Variants in GLIS3 observed in about 807,000 individuals in gnomAD.
GLIS3 encodes zinc finger protein GLIS3.
A neutral mutation model predicts 78.6 loss-of-function variants in GLIS3; 53 were observed. That is an observed-to-expected ratio of 0.67 (90% CI 0.54 to 0.85). The LOEUF is 0.85. GLIS3 is among the 40% of genes least tolerant of loss of function. The pLI is 0.00. For missense variants in GLIS3, 1,703 were observed against 1,231.1 expected (o/e 1.38, Z -5.74); for synonymous variants, 684 against 509.9 (o/e 1.34, Z -4.60).
chr9:4,413,673 A>G, the GLIS3 span, among the ~76,000 whole-genome samples: 1 of 152,028 alleles, frequency 6.6e-6, no homozygotes, highest in African/African-American at 2.4e-5. Flanking sequence ...CATCCTGAAC[A>G]TTGCCACCCA....
chr9:4,407,671 G>C, the GLIS3 span, among the ~76,000 whole-genome samples: 7 of 152,080 alleles, frequency 4.6e-5, no homozygotes, highest in Non-Finnish European at 8.8e-5. Context: ...AAGAAAAAAA[G>C]AAAACATTGG....
chr9:4,362,137 CA>C, the GLIS3 span, among the ~76,000 whole-genome samples: 1 of 152,210 alleles, frequency 6.6e-6, no homozygotes, highest in East Asian at 1.9e-4. Context: ...AGGCAGCTGT[CA>C]AGACAAAACC....
chr9:4,055,492 C>A (rs1410961021), intron 4 of GLIS3, among the ~76,000 whole-genome samples: 1 of 152,132 alleles, frequency 6.6e-6, no homozygotes, highest in Non-Finnish European at 1.5e-5. Flanking sequence ...GGAGCTTGCA[C>A]TCTTGAGATG....
the GLIS3 span, among the ~76,000 whole-genome samples, chr9:4,424,481 GT>G: frequency 6.6e-6 from 1 of 152,136 alleles, no homozygotes; most frequent in South Asian, 2.1e-4. Flanking sequence ...ATCTTTAAAG[GT>G]CTAACGTGGT....
intron 2 of GLIS3, among the ~76,000 whole-genome samples, chr9:4,252,296 G>A (rs1439679039): frequency 6.6e-6 from 1 of 152,034 alleles, no homozygotes; most frequent in African/African-American, 2.4e-5. Context: ...TGGAGGCTTT[G>A]TTCATTCCTT....
the GLIS3 span, among the ~76,000 whole-genome samples, chr9:4,470,209 A>G: frequency 6.6e-6 from 1 of 152,206 alleles, no homozygotes; most frequent in Admixed American, 6.5e-5. Flanking sequence ...TTCTGAAACT[A>G]TTCCAATCAA....
At chr9:3,898,148 C>G (rs898847589) in intron 7 of GLIS3, 1 of 164,920 alleles carries the variant, frequency 6.1e-6, no homozygotes, top group Admixed American at 5.7e-5. Flanking sequence ...TGTAATTTTC[C>G]AAATATAGTC....
At chr9:4,445,733 T>C in the GLIS3 span, among the ~76,000 whole-genome samples, 4 of 152,350 alleles carry the variant, frequency 2.6e-5, no homozygotes, top group East Asian at 1.9e-4. Context: ...GGACACAGCA[T>C]GTTAGGCGCA....
chr9:3,853,987 A>G (rs973799139), intron 9 of GLIS3, among the ~76,000 whole-genome samples: 1 of 152,228 alleles, frequency 6.6e-6, no homozygotes, highest in African/African-American at 2.4e-5. Flanking sequence ...ATATGATGCC[A>G]CTGTGAGCTA....
chr9:4,186,121 G>T (rs1255324113), intron 2 of GLIS3, among the ~76,000 whole-genome samples: 1 of 151,108 alleles, frequency 6.6e-6, no homozygotes, highest in Non-Finnish European at 1.5e-5. Flanking sequence ...TTTAGCATTA[G>T]GTATATCTCC....
intron 6 of GLIS3, among the ~76,000 whole-genome samples, chr9:3,908,011 G>C (rs1352749982): frequency 1.3e-5 from 2 of 152,186 alleles, no homozygotes; most frequent in Non-Finnish European, 2.9e-5. Context: ...ATGGAAAGTA[G>C]ATGTTTAATG....
chr9:3,929,144 G>T (rs912549848), intron 6 of GLIS3, among the ~76,000 whole-genome samples: 16 of 152,258 alleles, frequency 1.1e-4, no homozygotes, highest in African/African-American at 3.9e-4. Context: ...ACCACAGTTG[G>T]TGACTTGAGT....
chr9:3,973,099 G>GA (rs1313015152), intron 4 of GLIS3, among the ~76,000 whole-genome samples: 4 of 152,102 alleles, frequency 2.6e-5, no homozygotes, highest in African/African-American at 9.7e-5. Flanking sequence ...TTATTACAGA[G>GA]AAAAAATACA....
In GLIS3 at chr9:4,125,746, G is replaced by C; in HGVS notation, c.584C>G (p.Pro195Arg). 6.2e-7 allele frequency: 1 copy of C among 1,613,262 alleles called. No homozygotes were observed. Among genetic ancestry groups the C allele is most frequent in the Non-Finnish European group, 8.5e-7 (1 of 1,179,550 alleles). The change falls in exon 3 of 11, where the codon CCT (proline) becomes CGT (arginine). Residue 195 changes from proline to arginine, a missense_variant. Pro to Arg is a moderately radical substitution (Grantham distance 103, BLOSUM62 -2). Coordinates refer to ENST00000381971, the MANE Select transcript of GLIS3 (RefSeq NM_001042413.2). ...GTTAACTTGAGACCTGGTATCTGAA[G>C]GAGGTATATTCAGGTTGGCTGCATT... is the stretch of plus-strand genomic sequence containing the variant. Reference protein sequence around the residue: ...AMNAANLNIPPSDTRSLISRE... With the variant: ...AMNAANLNIPRSDTRSLISRE...
intron 9 of GLIS3, among the ~76,000 whole-genome samples, chr9:3,839,669 T>A (rs561726330): frequency 3.0e-4 from 45 of 152,210 alleles, no homozygotes; most frequent in African/African-American, 1.0e-3. Context: ...GACTCAAATT[T>A]TTATCTATTC....
the GLIS3 span, among the ~76,000 whole-genome samples, chr9:4,394,792 T>A: frequency 3.2e-4 from 49 of 152,284 alleles, no homozygotes; most frequent in African/African-American, 1.1e-3. Flanking sequence ...ATGAGAAAAA[T>A]TATAACCTCA....
At chr9:4,100,401 A>T (rs971784107) in intron 4 of GLIS3, among the ~76,000 whole-genome samples, 1 of 152,244 alleles carries the variant, frequency 6.6e-6, no homozygotes, top group Non-Finnish European at 1.5e-5. Context: ...GGAGTACAAC[A>T]ACATAGGATA....
rs921367471 is a variant in GLIS3 at position 3,977,274 on chromosome 9, C to G, written c.1711-40085G>C. 1.3e-5 allele frequency among the ~76,000 whole-genome samples: 2 copies of G among 152,158 alleles called. No individual in the cohort carries two copies. The highest frequency in any genetic ancestry group is 2.1e-4 in the South Asian group (1 of 4,830). On this transcript the variant is annotated intron_variant, in intron 4 of 10. Coordinates refer to ENST00000381971, the MANE Select transcript of GLIS3 (RefSeq NM_001042413.2). The surrounding 1 kb of genome is among the most constrained non-coding windows in gnomAD (Gnocchi z 4.1). ...TTAGATCCACATTTTATACACCAAG[C>G]AATGTTTAAAATGTAAGGACCGAGA...
intron 4 of GLIS3, chr9:4,305,481 G>A (rs150124174): frequency 7.9e-5 from 12 of 152,232 alleles, no homozygotes; most frequent in African/African-American, 2.4e-4. Context: ...GAGCTTCAAG[G>A]GAAATTGACC....
Sources: allele counts gnomAD v4.1 joint callset (sites outside exome capture counted in the v4.1 genomes callset), GRCh38; gene constraint gnomAD v4.1.1; non-coding constraint Gnocchi (gnomAD v3.1); transcripts MANE v1.5; gene names NCBI Gene and HGNC (gene_info 2026-07-23, HGNC 2026-07-21).